Variants in EYS observed in about 807,000 individuals in gnomAD.
EYS encodes EGF-like photoreceptor maintenance factor, also known as protein eyes shut homolog.
In EYS, 250 loss-of-function variants were observed where a neutral mutation model predicts 282.1. The ratio of observed to expected loss-of-function variants is 0.89; its 90% CI spans 0.80 to 0.98. The LOEUF is 0.98. Among genes scored for constraint, EYS ranks in the 50% least tolerant of loss-of-function variants. The probability of loss-of-function intolerance (pLI) is 0.00; values close to 1 mark genes in which losing one functional copy is unlikely to be tolerated. For missense variants in EYS, 4,016 were observed against 3,709.0 expected, an observed-to-expected ratio of 1.08 and a Z score of -2.15; for synonymous variants, 1,355 against 1,282.9, an observed-to-expected ratio of 1.06 and a Z score of -1.20.
chr6:65,208,144 GA>G (rs1168317780), intron 12 of EYS, among the ~76,000 whole-genome samples: 3 of 151,662 alleles, frequency 2.0e-5, no homozygotes, highest in African/African-American at 7.3e-5. Flanking sequence ...GTGGACAAAG[GA>G]AATGAAAAGA....
intron 22 of EYS, among the ~76,000 whole-genome samples, chr6:64,775,042 A>G (rs1213643417): frequency 2.0e-5 from 3 of 152,010 alleles, no homozygotes; most frequent in Non-Finnish European, 4.4e-5. Context: ...TCGAATGCCT[A>G]GAGATGTCCG....
At chr6:65,526,560 C>T (rs149455342) in intron 2 of EYS, among the ~76,000 whole-genome samples, 3 of 152,296 alleles carry the variant, frequency 2.0e-5, no homozygotes, top group Admixed American at 6.5e-5. Context: ...AATCCCTGCG[C>T]TTTGGGAGGC....
chr6:64,533,094 G>T (rs933742281), intron 26 of EYS, among the ~76,000 whole-genome samples: 4 of 152,082 alleles, frequency 2.6e-5, no homozygotes, highest in South Asian at 2.1e-4. Context: ...GTATTTGAAG[G>T]GTTCAAAGAT....
intron 30 of EYS, among the ~76,000 whole-genome samples, chr6:64,291,994 C>T (rs913968066): frequency 3.9e-5 from 6 of 151,966 alleles, no homozygotes; most frequent in Non-Finnish European, 7.4e-5. Context: ...TTATATCAGT[C>T]GTATTATTAC....
chr6:64,085,113 G>A (rs903091857), intron 31 of EYS, among the ~76,000 whole-genome samples: 1 of 151,956 alleles, frequency 6.6e-6, no homozygotes, highest in African/African-American at 2.4e-5. Flanking sequence ...GAGTAGCTGG[G>A]ATTACAGGTG....
chr6:64,014,745 A>C (rs1768804939), intron 33 of EYS, among the ~76,000 whole-genome samples: 2 of 151,604 alleles, frequency 1.3e-5, no homozygotes, highest in East Asian at 1.9e-4. Flanking sequence ...CACAGTCTAA[A>C]TATCCTTTGG....
At chr6:65,281,643 A>G (rs1768222500) in intron 12 of EYS, among the ~76,000 whole-genome samples, 1 of 152,126 alleles carries the variant, frequency 6.6e-6, no homozygotes, top group Non-Finnish European at 1.5e-5. Context: ...TCAACTAAGA[A>G]AGGATAAAGC....
At chr6:64,005,862 G>T (rs1373279154) in intron 33 of EYS, among the ~76,000 whole-genome samples, 3 of 151,988 alleles carry the variant, frequency 2.0e-5, no homozygotes, top group African/African-American at 4.8e-5. Context: ...TGCTGTTTTG[G>T]TTACTCTAGG....
chr6:63,940,182 G>A (rs780445515), intron 35 of EYS, among the ~76,000 whole-genome samples: 2 of 152,160 alleles, frequency 1.3e-5, no homozygotes, highest in Non-Finnish European at 2.9e-5. Context: ...GATGCTGGAA[G>A]TGTTCCCAAG....
chr6:65,487,421 A>G (rs13134865), intron 5 of EYS, among the ~76,000 whole-genome samples: 9 of 152,280 alleles, frequency 5.9e-5, no homozygotes, highest in African/African-American at 2.2e-4. Flanking sequence ...TTCTGCATCT[A>G]TTGAGATAAT....
intron 11 of EYS, among the ~76,000 whole-genome samples, chr6:65,296,535 T>C (rs985871189): frequency 6.6e-6 from 1 of 151,754 alleles, no homozygotes; most frequent in African/African-American, 2.4e-5. Context: ...ACTATATATA[T>C]ATACATATAT....
intron 26 of EYS, among the ~76,000 whole-genome samples, chr6:64,510,843 C>A (rs956125024): frequency 6.6e-6 from 1 of 152,026 alleles, no homozygotes. Flanking sequence ...TATGTTAGAA[C>A]CTGCACTGTT....
chr6:64,686,858 T>TACACAC (rs1770153291), intron 22 of EYS, among the ~76,000 whole-genome samples: 1 of 13,466 alleles, frequency 7.4e-5, no homozygotes, highest in Non-Finnish European at 2.1e-4. Context: ...TATATATGTG[T>TACACAC]ATATATATAC....
intron 15 of EYS, among the ~76,000 whole-genome samples, chr6:64,918,662 T>A (rs1004291375): frequency 6.6e-6 from 1 of 152,064 alleles, no homozygotes; most frequent in Non-Finnish European, 1.5e-5. Flanking sequence ...AAGATTTGGA[T>A]AATGGTTAGT....
chr6:63,962,868 A>C (rs1360099175), intron 35 of EYS, among the ~76,000 whole-genome samples: 1 of 152,214 alleles, frequency 6.6e-6, no homozygotes, highest in African/African-American at 2.4e-5. Flanking sequence ...CCAAATGCCC[A>C]ACAACGATAG....
chr6:64,294,719 C>T (rs1768843991), intron 30 of EYS, among the ~76,000 whole-genome samples: 2 of 152,228 alleles, frequency 1.3e-5, no homozygotes, highest in African/African-American at 4.8e-5. Context: ...GTGGATAAAA[C>T]TACTGATGGC....
At chr6:64,700,472 C>G (rs1206638002) in intron 22 of EYS, among the ~76,000 whole-genome samples, 1 of 152,002 alleles carries the variant, frequency 6.6e-6, no homozygotes, top group East Asian at 1.9e-4. Context: ...TATTCTTATA[C>G]CTAGGAAAGG....
intron 22 of EYS, among the ~76,000 whole-genome samples, chr6:64,717,573 ACCT>A (rs1196489981): frequency 1.3e-5 from 2 of 151,982 alleles, no homozygotes; most frequent in African/African-American, 4.8e-5. Context: ...CTCACTGATC[ACCT>A]CCTGCTGTGC....
intron 12 of EYS, among the ~76,000 whole-genome samples, chr6:65,245,278 A>T (rs929154642): frequency 1.3e-5 from 2 of 152,194 alleles, no homozygotes; most frequent in Admixed American, 1.3e-4. Context: ...TGAGAAGGAA[A>T]TATGCAATGG....
Sources: gnomAD v4.1 joint callset for allele counts (sites outside exome capture counted in the v4.1 genomes callset) on GRCh38, gnomAD v4.1.1 for gene constraint, MANE v1.5 for transcripts, NCBI Gene and HGNC (gene_info 2026-07-23, HGNC 2026-07-21) for gene names.